ATXN2: variants seen among roughly 807,000 people sequenced by gnomAD.
ATXN2 encodes ataxin-2.
In ATXN2, 37 loss-of-function variants were observed where a neutral mutation model predicts 138.6. The observed-to-expected ratio is 0.27, with a 90% CI of 0.21 to 0.35. The LOEUF (loss-of-function observed/expected upper bound fraction) is 0.35. Among genes scored for constraint, ATXN2 ranks in the 10% least tolerant of loss-of-function variants. The pLI, the probability that ATXN2 is intolerant of heterozygous loss-of-function variation, is 1.00. For synonymous variants in ATXN2, 549 were observed against 543.7 expected, an observed-to-expected ratio of 1.01 and a Z score of -0.13; for missense variants, 1,216 against 1,480.3, an observed-to-expected ratio of 0.82 and a Z score of 2.93.
intron 5 of ATXN2, among the ~76,000 whole-genome samples, chr12:111,548,234 A>G (rs892018426): frequency 6.6e-6 from 1 of 152,174 alleles, no homozygotes; most frequent in African/African-American, 2.4e-5. Context: ...GACAACTGAG[A>G]TAAACAACAA....
intron 21 of ATXN2, among the ~76,000 whole-genome samples, chr12:111,461,502 T>TA (rs1190186622): frequency 1.3e-5 from 2 of 151,236 alleles, no homozygotes; most frequent in Admixed American, 6.6e-5. Flanking sequence ...AATAAATAAA[T>TA]AATAATAATA....
chr12:111,521,860 G>A (rs548803985), intron 6 of ATXN2, among the ~76,000 whole-genome samples: 6 of 152,282 alleles, frequency 3.9e-5, no homozygotes, highest in Non-Finnish European at 7.4e-5. Flanking sequence ...ATTCTTTAAC[G>A]TAAAAGAATC....
chr12:111,536,808 A>G (rs1399837198), intron 5 of ATXN2, among the ~76,000 whole-genome samples: 1 of 121,668 alleles, frequency 8.2e-6, no homozygotes, highest in African/African-American at 3.4e-5. Context: ...TTTTGAGATG[A>G]AGTTTCACTC....
At chr12:111,596,168 C>A (rs1366061413) in intron 1 of ATXN2, among the ~76,000 whole-genome samples, 4 of 151,590 alleles carry the variant, frequency 2.6e-5, no homozygotes, top group Non-Finnish European at 5.9e-5. Flanking sequence ...CAGGCCACTG[C>A]ACTCCAGCCT....
At chr12:111,460,435 T>C (rs1875485860) in intron 21 of ATXN2, among the ~76,000 whole-genome samples, 1 of 152,166 alleles carries the variant, frequency 6.6e-6, no homozygotes, top group African/African-American at 2.4e-5. Context: ...TGTTAAACCA[T>C]TAGCACTAAC....
chr12:111,470,602 G>A lies in ATXN2; in HGVS notation c.2665C>T (p.Pro889Ser), dbSNP rs751248249. Reference protein sequence around the residue: ...QYVAYSPQQFPNQPLVQHVPH... With the variant: ...QYVAYSPQQFSNQPLVQHVPH... The stretch of plus-strand genomic sequence containing the variant: ...ACATGCTGAACAAGGGGCTGATTTG[G>A]GAACTGCTGAGGACTGTAGGCAACA... The change falls in exon 19 of 25, where the codon CCA becomes TCA. Residue 889 changes from proline to serine, a missense_variant. This residue lies in a region of ATXN2 where 490 missense variants were observed against 653.5 expected (regional missense o/e 0.75). Transcript: ENST00000673436. 7.4e-6 allele frequency: 12 copies of A among 1,614,138 alleles called. No individual in the cohort carries two copies. The East Asian group carries it at 1.8e-4, about 24-fold the overall frequency.
chr12:111,508,443 T>TTC (rs1363460268), intron 14 of ATXN2, among the ~76,000 whole-genome samples: 1 of 114,966 alleles, frequency 8.7e-6, no homozygotes, highest in East Asian at 2.2e-4. Context: ...TTGAAAAACT[T>TTC]TTTTTTTTTT....
Position 111,559,722 on chromosome 12 carries a change from G to A in ATXN2, c.252-3803C>T, listed in dbSNP as rs191263713. ...CGGGAAGTGGAGGTTCCAGTGAGCC[G>A]AGATCGTGCCACTGCACTCCAGCCT... is the stretch of plus-strand genomic sequence containing the variant. On this transcript the variant is annotated intron_variant, in intron 1 of 24. Coordinates refer to ENST00000673436, the MANE Select transcript of ATXN2 (RefSeq NM_001372574.1). Among the ~76,000 whole-genome samples, 138 of 146,904 alleles carry A rather than the reference G, an allele frequency of 9.4e-4. 1 individual carries two copies. Among genetic ancestry groups the A allele is most frequent in the Middle Eastern group, 3.5e-3 (1 of 282 alleles).
chr12:111,579,284 C>T lies in ATXN2; in HGVS notation c.251+19500G>A, dbSNP rs190450307. 7.0e-4 allele frequency among the ~76,000 whole-genome samples: 107 copies of T among 152,108 alleles called. 1 individual carries two copies. Among genetic ancestry groups the T allele is most frequent in the African/African-American group, 2.4e-3 (98 of 41,510 alleles). ...GCTTTATTTATTTATTTTTTTGAGA[C>T]GGAGTTTCACTCTTGATGCCCAGGC... On this transcript the variant is annotated intron_variant, in intron 1 of 24. Transcript: ENST00000673436.
intron 1 of ATXN2, among the ~76,000 whole-genome samples, chr12:111,566,886 C>T (rs998427451): frequency 2.0e-5 from 3 of 152,184 alleles, no homozygotes; most frequent in African/African-American, 7.2e-5. Flanking sequence ...GATCCGCCCT[C>T]CTTGGCCTCC....
At position 111,453,103 on chromosome 12, in the gene ATXN2, C is replaced by G; in HGVS notation, c.3440-263G>C. On this transcript the variant is annotated intron_variant, in intron 24 of 24. Coordinates refer to ENST00000673436, the MANE Select transcript of ATXN2 (RefSeq NM_001372574.1). The surrounding 1 kb of genome is among the most constrained non-coding windows in gnomAD (Gnocchi z 5.4). ...GGTAGAAAAAAAGGCCTTAACAAACCCCCTCCCCAAATATTAGCCAAGCAC... is the reference window on the plus strand; with the variant it reads ...GGTAGAAAAAAAGGCCTTAACAAACGCCCTCCCCAAATATTAGCCAAGCAC... The G allele has an allele frequency of 1.6e-6, 2 of 1,262,792 alleles. No homozygotes were observed. The highest frequency in any genetic ancestry group is 2.0e-6 in the Non-Finnish European group (2 of 1,004,338). 78.2% of individuals were successfully genotyped at this position (1,262,792 alleles called of 1,614,324 possible).
chr12:111,575,611 T>C (rs894586860), intron 1 of ATXN2, among the ~76,000 whole-genome samples: 4 of 152,138 alleles, frequency 2.6e-5, no homozygotes, highest in Non-Finnish European at 5.9e-5. Flanking sequence ...GCCTAGTCTA[T>C]ACTACCACAT....
chr12:111,510,705 T>C (rs1278312789), intron 11 of ATXN2, 123 bp from the exon 12 acceptor site: 11 of 851,480 alleles, frequency 1.3e-5, no homozygotes, highest in Non-Finnish European at 1.9e-5. Context: ...TTACCCTTTA[T>C]CCCATTACTG....
At chr12:111,490,597 A>G (rs1043494223) in intron 14 of ATXN2, among the ~76,000 whole-genome samples, 1 of 152,206 alleles carries the variant, frequency 6.6e-6, no homozygotes, top group Non-Finnish European at 1.5e-5. Context: ...ATCCCCAACA[A>G]GGAGCACCAA....
intron 1 of ATXN2, among the ~76,000 whole-genome samples, chr12:111,579,789 C>A (rs1422323409): frequency 1.3e-5 from 2 of 151,386 alleles, no homozygotes; most frequent in Non-Finnish European, 2.9e-5. Context: ...ACCTCCTCCT[C>A]CTGGGTTCAA....
At chr12:111,562,745 A>C (rs1882770270) in intron 1 of ATXN2, among the ~76,000 whole-genome samples, 1 of 143,706 alleles carries the variant, frequency 7.0e-6, no homozygotes, top group South Asian at 2.2e-4. Flanking sequence ...AAAAAAAAAA[A>C]TGTAGACAGA....
At chr12:111,574,058 C>T (rs1467456712) in intron 1 of ATXN2, among the ~76,000 whole-genome samples, 2 of 151,552 alleles carry the variant, frequency 1.3e-5, no homozygotes, top group African/African-American at 4.8e-5. Context: ...TGATTCAAGC[C>T]TGCAATCCCA....
chr12:111,453,182 A>G lies in ATXN2; in HGVS notation c.3440-342T>C. On this transcript the variant is annotated intron_variant, in intron 24 of 24. Coordinates refer to ENST00000673436, the MANE Select transcript of ATXN2 (RefSeq NM_001372574.1). This position sits in a 1 kb window ranked among gnomAD's most constrained non-coding sequence, Gnocchi z 5.4. ...ACTGTGAAGTATCGCCATGGCAGCC[A>G]TCAAGTAGTAGAGCACAATCACAGG... 1 of 1,128,682 alleles carries G rather than the reference A, an allele frequency of 8.9e-7. No homozygotes were observed. Among genetic ancestry groups the G allele is most frequent in the African/African-American group, 1.6e-5 (1 of 62,064 alleles). 69.9% of individuals were successfully genotyped at this position (1,128,682 alleles called of 1,614,324 possible). A position where few individuals can be genotyped will look rare whatever the true frequency, so the allele number is the denominator to read the frequency against.
At chr12:111,459,893 T>A (rs1720865823) in intron 21 of ATXN2, among the ~76,000 whole-genome samples, 2 of 151,144 alleles carry the variant, frequency 1.3e-5, no homozygotes, top group African/African-American at 4.9e-5. Context: ...ATTTTTGTAT[T>A]TTTAGTAGAG....
Sources: gnomAD v4.1 joint callset for allele counts (sites outside exome capture counted in the v4.1 genomes callset) on GRCh38, gnomAD v4.1.1 for gene constraint, gnomAD v4.1.1 regional missense constraint, Gnocchi (gnomAD v3.1) non-coding constraint, MANE v1.5 for transcripts, NCBI Gene and HGNC (gene_info 2026-07-23, HGNC 2026-07-21) for gene names.